SLAIN2: variants seen among roughly 807,000 people sequenced by gnomAD.
The protein encoded by SLAIN2 is SLAIN family member 2.
In SLAIN2, 31 loss-of-function variants were observed where a neutral mutation model predicts 56.6. That is an observed-to-expected ratio of 0.55 (90% CI 0.41 to 0.74). The LOEUF (loss-of-function observed/expected upper bound fraction) is 0.74. SLAIN2 is among the 30% of genes least tolerant of loss of function. SLAIN2 has a pLI of 0.00. For synonymous variants in SLAIN2, 317 were observed against 284.9 expected, an observed-to-expected ratio of 1.11 and a Z score of -1.13; for missense variants, 777 against 754.2, an observed-to-expected ratio of 1.03 and a Z score of -0.35.
chr4:48,363,750 C>T (rs112467283), intron 1 of SLAIN2, among the ~76,000 whole-genome samples: 3 of 27,914 alleles, frequency 1.1e-4, no homozygotes, highest in Non-Finnish European at 3.6e-4. Flanking sequence ...GGGGGGCTGA[C>T]CCCCCCCACC....
Position 48,425,932 on chromosome 4 carries a change from A to G in SLAIN2, c.*3855A>G, listed in dbSNP as rs938580283. 3.9e-5 allele frequency: 6 copies of G among 152,224 alleles called. No homozygotes were observed. The highest frequency in any genetic ancestry group is 3.8e-4 in the East Asian group (2 of 5,200). 9.4% of individuals were successfully genotyped at this position (152,224 alleles called of 1,614,324 possible). A position where few individuals can be genotyped will look rare whatever the true frequency, so the allele number is the denominator to read the frequency against. On this transcript the variant is annotated 3_prime_UTR_variant, in exon 8 of 8. Transcript: ENST00000264313. ...TGCTAGTTTGAAACAAATTATCTAC[A>G]TTAAGTCATCTTAATGTTTTCTCTT...
chr4:48,377,401 A>G (rs1459308262), intron 2 of SLAIN2, among the ~76,000 whole-genome samples: 1 of 143,722 alleles, frequency 7.0e-6, no homozygotes, highest in Non-Finnish European at 1.5e-5. Flanking sequence ...CTGGTCTCGA[A>G]CTCCTGACCT....
Position 48,341,906 on chromosome 4 carries a change from TTCCC to T in SLAIN2, c.171_174del (p.Ser58ProfsTer40). ...AGCCCGGTTCGGGCCGGCGCGTCCA[TTCCC>T]TCCTCCGGCGCGGCGTCTCCTCGGG... On this transcript the variant is annotated frameshift_variant, in exon 1 of 8. Coordinates refer to ENST00000264313, the MANE Select transcript of SLAIN2 (RefSeq NM_020846.2). LOFTEE classifies it high-confidence loss of function. The T allele has an allele frequency of 6.6e-7, 1 of 1,509,398 alleles. No homozygotes were observed. Among genetic ancestry groups the T allele is most frequent in the Non-Finnish European group, 8.8e-7 (1 of 1,130,460 alleles). The allele number at this position is 1,509,398 out of a possible 1,614,324, so 93.5% of individuals were successfully genotyped here. A position where few individuals can be genotyped will look rare whatever the true frequency, so the allele number is the denominator to read the frequency against.
intron 1 of SLAIN2, 52 bp from the exon 2 acceptor site, chr4:48,369,797 T>C: frequency 6.4e-7 from 1 of 1,553,974 alleles, no homozygotes; most frequent in Non-Finnish European, 8.8e-7. Context: ...CCCTGTTTTA[T>C]ATAACCTTGT....
At chr4:48,349,989 T>C (rs970403828) in intron 1 of SLAIN2, among the ~76,000 whole-genome samples, 22 of 152,222 alleles carry the variant, frequency 1.4e-4, no homozygotes, top group African/African-American at 4.8e-4. Context: ...TTGAACTGGG[T>C]AGCACCCAGG....
chr4:48,368,849 A>G (rs1157436921), intron 1 of SLAIN2, among the ~76,000 whole-genome samples: 2 of 152,218 alleles, frequency 1.3e-5, no homozygotes, highest in African/African-American at 2.4e-5. Flanking sequence ...GACCTAAGTT[A>G]TAGATGGGGA....
At chr4:48,410,817 G>A (rs1390124106) in intron 6 of SLAIN2, among the ~76,000 whole-genome samples, 6 of 152,176 alleles carry the variant, frequency 3.9e-5, no homozygotes, top group South Asian at 2.1e-4. Flanking sequence ...TAACATCAGC[G>A]TTACAGACCC....
chr4:48,408,614 G>T (rs761176261), intron 6 of SLAIN2, among the ~76,000 whole-genome samples: 5 of 147,676 alleles, frequency 3.4e-5, no homozygotes, highest in Non-Finnish European at 7.5e-5. Flanking sequence ...TATAAAGAAA[G>T]AAAATATTTT....
At chr4:48,398,396 AC>A (rs1468254338) in intron 6 of SLAIN2, among the ~76,000 whole-genome samples, 3 of 151,928 alleles carry the variant, frequency 2.0e-5, no homozygotes, top group Non-Finnish European at 2.9e-5. Context: ...TGGATAGTAG[AC>A]CTTTGTCAGA....
chr4:48,412,769 C>T (rs976852839), intron 6 of SLAIN2, among the ~76,000 whole-genome samples: 16 of 152,012 alleles, frequency 1.1e-4, no homozygotes, highest in Non-Finnish European at 2.2e-4. Context: ...TAGTCGTGTA[C>T]GTTAATGGAA....
chr4:48,367,632 TGGG>T (rs902979890), intron 1 of SLAIN2, among the ~76,000 whole-genome samples: 95 of 150,744 alleles, frequency 6.3e-4, no homozygotes, highest in African/African-American at 2.3e-3. Context: ...GATTTGGGGG[TGGG>T]GGGGCAGTTG....
intron 6 of SLAIN2, among the ~76,000 whole-genome samples, chr4:48,416,766 C>T (rs1357280572): frequency 2.0e-4 from 29 of 143,240 alleles, no homozygotes; most frequent in African/African-American, 2.4e-4. Context: ...GGGTACATAA[C>T]GAAATGAAGG....
chr4:48,413,563 G>T (rs1716921461), intron 6 of SLAIN2, among the ~76,000 whole-genome samples: 1 of 152,104 alleles, frequency 6.6e-6, no homozygotes, highest in Admixed American at 6.5e-5. Context: ...CATTGATAGG[G>T]TAGATACCAT....
intron 6 of SLAIN2, among the ~76,000 whole-genome samples, chr4:48,391,012 T>A (rs369953170): frequency 3.9e-5 from 6 of 152,320 alleles, no homozygotes; most frequent in African/African-American, 1.4e-4. Context: ...TTCCTTGCCT[T>A]TGTTTTTGAA....
chr4:48,407,038 T>G (rs1394962235), intron 6 of SLAIN2, among the ~76,000 whole-genome samples: 1 of 152,124 alleles, frequency 6.6e-6, no homozygotes, highest in Non-Finnish European at 1.5e-5. Flanking sequence ...AGTAGCAAAC[T>G]TTGTTTTTCA....
chr4:48,426,169 G>A lies in SLAIN2; in HGVS notation c.*4092G>A, dbSNP rs1717293192. ...GTCTTTTTTTTTTTAAGGAGAAAAT[G>A]TTTCTTTTAAATAAATGTTTCTTAT... On this transcript the variant is annotated 3_prime_UTR_variant, in exon 8 of 8. Transcript: ENST00000264313. 2 of 151,598 alleles carry A rather than the reference G, an allele frequency of 1.3e-5. No homozygotes were observed. Among genetic ancestry groups the A allele is most frequent in the African/African-American group, 4.8e-5 (2 of 41,298 alleles). 9.4% of individuals were successfully genotyped at this position (151,598 alleles called of 1,614,324 possible).
intron 2 of SLAIN2, among the ~76,000 whole-genome samples, chr4:48,373,071 C>G (rs1270368407): frequency 6.6e-6 from 1 of 152,074 alleles, no homozygotes; most frequent in Non-Finnish European, 1.5e-5. Context: ...CTCATTTACC[C>G]TCCCTGCTCT....
chr4:48,359,447 C>T (rs1350056584), intron 1 of SLAIN2, among the ~76,000 whole-genome samples: 1 of 152,186 alleles, frequency 6.6e-6, no homozygotes, highest in East Asian at 1.9e-4. Flanking sequence ...CTACTTTCAG[C>T]TGGCTACAAT....
intron 6 of SLAIN2, among the ~76,000 whole-genome samples, chr4:48,385,760 A>G (rs192199882): frequency 6.6e-6 from 1 of 151,656 alleles, no homozygotes; most frequent in African/African-American, 2.4e-5. Context: ...AGCTGGGACC[A>G]CAGGCGTGCA....
Sources: gnomAD v4.1 joint callset for allele counts (sites outside exome capture counted in the v4.1 genomes callset) on GRCh38, gnomAD v4.1.1 for gene constraint, MANE v1.5 for transcripts, NCBI Gene and HGNC (gene_info 2026-07-23, HGNC 2026-07-21) for gene names.